The following DLGAP2 variants were observed in gnomAD, a reference collection of about 807,000 sequenced individuals.
The protein encoded by DLGAP2 is disks large-associated protein 2.
A neutral mutation model predicts 100.3 loss-of-function variants in DLGAP2; 26 were observed. The observed-to-expected ratio is 0.26, with a 90% CI of 0.19 to 0.36. The LOEUF is 0.36. Ranked by LOEUF, DLGAP2 falls within the 10% of genes least tolerant of loss-of-function variation. The pLI is 1.00. For missense variants in DLGAP2, 1,858 were observed against 1,453.2 expected (o/e 1.28, Z -4.53); for synonymous variants, 886 against 630.1 (o/e 1.41, Z -6.08).
chr8:1,261,237 G>A (rs1322515866), intron 3 of DLGAP2, among the ~76,000 whole-genome samples: 2 of 150,360 alleles, frequency 1.3e-5, no homozygotes, highest in Non-Finnish European at 3.0e-5. Flanking sequence ...GGGCAGGTCG[G>A]CTTCCAGATA....
At chr8:1,648,427 C>T (rs1798091488) in intron 8 of DLGAP2, among the ~76,000 whole-genome samples, 1 of 152,154 alleles carries the variant, frequency 6.6e-6, no homozygotes, top group African/African-American at 2.4e-5. Context: ...GTTCCCACCC[C>T]TCCTGCGTGG....
chr8:1,638,792 T>C (rs1797829615), intron 8 of DLGAP2, among the ~76,000 whole-genome samples: 1 of 151,104 alleles, frequency 6.6e-6, no homozygotes, highest in Non-Finnish European at 1.5e-5. Context: ...TCCCGGGGAG[T>C]CCAGGAGGAG....
chr8:1,656,416 T>C (rs1391628535), intron 8 of DLGAP2, among the ~76,000 whole-genome samples: 1 of 152,122 alleles, frequency 6.6e-6, no homozygotes, highest in African/African-American at 2.4e-5. Flanking sequence ...AACCTAAGAA[T>C]GTAGGCATTT....
intron 2 of DLGAP2, among the ~76,000 whole-genome samples, chr8:1,028,951 G>C (rs1041977112): frequency 6.6e-6 from 1 of 152,192 alleles, no homozygotes; most frequent in Non-Finnish European, 1.5e-5. Flanking sequence ...CAGGAGGGAC[G>C]TGGGCCCTGA....
At chr8:1,549,755 T>C (rs1156423889) in intron 5 of DLGAP2, 72 bp downstream of exon 5, 4 of 1,410,338 alleles carry the variant, frequency 2.8e-6, no homozygotes, top group African/African-American at 2.9e-5. Flanking sequence ...CCTTTTTTAA[T>C]TGACAGATAA....
intron 6 of DLGAP2, among the ~76,000 whole-genome samples, chr8:1,573,026 ACT>A: frequency 3.0e-5 from 2 of 66,474 alleles, no homozygotes; most frequent in African/African-American, 1.3e-4. Flanking sequence ...GAGAGGGTGG[ACT>A]GTGGGGGTGT....
intron 2 of DLGAP2, among the ~76,000 whole-genome samples, chr8:1,204,224 T>C (rs765666445): frequency 1.3e-4 from 20 of 152,240 alleles, no homozygotes; most frequent in Non-Finnish European, 2.1e-4. Flanking sequence ...CTGCTCCTAC[T>C]GTGTGCCCTG....
At chr8:1,541,793 A>C (rs993192797) in intron 4 of DLGAP2, among the ~76,000 whole-genome samples, 1 of 152,250 alleles carries the variant, frequency 6.6e-6, no homozygotes, top group Non-Finnish European at 1.5e-5. Context: ...TTATCGGGTC[A>C]GTTAACAGAT....
At chr8:1,008,010 C>A (rs1400599511) in intron 2 of DLGAP2, among the ~76,000 whole-genome samples, 2 of 152,106 alleles carry the variant, frequency 1.3e-5, no homozygotes, top group African/African-American at 4.8e-5. Context: ...ATGAGCAGGG[C>A]CCTGAATGTG....
At chr8:1,134,289 G>T (rs899108486) in intron 2 of DLGAP2, among the ~76,000 whole-genome samples, 1 of 152,140 alleles carries the variant, frequency 6.6e-6, no homozygotes, top group Admixed American at 6.5e-5. Flanking sequence ...GAATAGTGCT[G>T]CAATGAACGT....
At chr8:1,204,299 G>C (rs1262336758) in intron 2 of DLGAP2, among the ~76,000 whole-genome samples, 1 of 152,264 alleles carries the variant, frequency 6.6e-6, no homozygotes, top group African/African-American at 2.4e-5. Context: ...CATCTTCTGA[G>C]ATCGGAAGTT....
At chr8:1,479,695 C>T (rs1384018626) in intron 3 of DLGAP2, among the ~76,000 whole-genome samples, 1 of 152,106 alleles carries the variant, frequency 6.6e-6, no homozygotes, top group African/African-American at 2.4e-5. Flanking sequence ...GGTTGGCCAA[C>T]CGTAAGATGA....
At chr8:1,495,836 A>T (rs1226711307) in intron 3 of DLGAP2, among the ~76,000 whole-genome samples, 1 of 152,190 alleles carries the variant, frequency 6.6e-6, no homozygotes. Context: ...GACTCAGCGC[A>T]TCTCTATGTT....
In DLGAP2 at chr8:1,174,651, TACCATCATTGTCATCATC is replaced by T. The variant is rs565038837; in HGVS notation, c.74-84192_74-84175del. 3.0e-4 allele frequency among the ~76,000 whole-genome samples: 45 copies of T among 150,266 alleles called. 1 individual carries two copies. The East Asian group carries it at 8.9e-3, about 30-fold the overall frequency. On this transcript the variant is annotated intron_variant, in intron 2 of 14. Transcript: ENST00000637795. ...CTGCCACCATCATCATCGTCGTCTTTACCATCATTGTCATCATCACCATCACCACCATCATCATTACCA... is the reference window on the plus strand; with the variant it reads ...CTGCCACCATCATCATCGTCGTCTTTACCATCACCACCATCATCATTACCA...
chr8:1,366,867 G>A (rs1181534876), intron 3 of DLGAP2, among the ~76,000 whole-genome samples: 2 of 152,162 alleles, frequency 1.3e-5, no homozygotes, highest in East Asian at 3.9e-4. Flanking sequence ...GCTAATAACA[G>A]TGTTAACATT....
chr8:869,814 G>A (rs1000639531), intron 1 of DLGAP2, among the ~76,000 whole-genome samples: 2 of 152,112 alleles, frequency 1.3e-5, no homozygotes, highest in African/African-American at 4.8e-5. Context: ...GAGTGGGCGG[G>A]CCTGATGGGC....
intron 2 of DLGAP2, among the ~76,000 whole-genome samples, chr8:1,063,331 G>C (rs1038461556): frequency 1.3e-5 from 2 of 152,112 alleles, no homozygotes; most frequent in Non-Finnish European, 2.9e-5. Flanking sequence ...GAGGAAGCAT[G>C]CTTCTGAGTG....
intron 3 of DLGAP2, among the ~76,000 whole-genome samples, chr8:1,495,487 G>C (rs1799518856): frequency 6.6e-6 from 1 of 152,258 alleles, no homozygotes. Flanking sequence ...CTGCTGAGGG[G>C]CCGCCATCAT....
intron 1 of DLGAP2, chr8:740,133 A>G (rs776342061): frequency 6.6e-6 from 1 of 152,222 alleles, no homozygotes. Flanking sequence ...TCTGTATATT[A>G]TAATTTCAGG....
Sources: gnomAD v4.1 joint callset for allele counts (sites outside exome capture counted in the v4.1 genomes callset) on GRCh38, gnomAD v4.1.1 for gene constraint, MANE v1.5 for transcripts, NCBI Gene and HGNC (gene_info 2026-07-23, HGNC 2026-07-21) for gene names.